PACRGL: variants seen among roughly 807,000 people sequenced by gnomAD.
PACRGL encodes parkin coregulated like, also known as PACRG-like protein.
In PACRGL, 38 loss-of-function variants were observed where a neutral mutation model predicts 34.5. The ratio of observed to expected loss-of-function variants is 1.10; its 90% CI spans 0.85 to 1.44. The LOEUF (loss-of-function observed/expected upper bound fraction) is 1.44, where lower values mean the gene tolerates loss of function less well. Ranked by LOEUF, PACRGL falls within the 40% of genes most tolerant of loss-of-function variation. The pLI is 0.00. For missense variants in PACRGL, 305 were observed against 281.4 expected (o/e 1.08, Z -0.60); for synonymous variants, 128 against 100.1 (o/e 1.28, Z -1.66).
chr4:20,713,708 G>T (rs1037839748), intron 7 of PACRGL, among the ~76,000 whole-genome samples, 169 bp downstream of exon 7: 2 of 152,120 alleles, frequency 1.3e-5, no homozygotes, highest in East Asian at 3.9e-4. Context: ...CTTTGTTCTC[G>T]TTGGTTTCAA....
At chr4:20,712,130 CATTT>C (rs1560315490) in intron 5 of PACRGL, among the ~76,000 whole-genome samples, 3 of 151,872 alleles carry the variant, frequency 2.0e-5, no homozygotes, top group African/African-American at 7.2e-5. Context: ...TCTATAGTTT[CATTT>C]ACCTTTCCTT....
chr4:20,716,492 T>TC (rs1242963929), intron 7 of PACRGL, among the ~76,000 whole-genome samples: 4 of 150,064 alleles, frequency 2.7e-5, no homozygotes, highest in African/African-American at 7.3e-5. Context: ...ATGGTATCCC[T>TC]CCCCCGACAG....
At chr4:20,714,988 G>A (rs921529270) in intron 7 of PACRGL, among the ~76,000 whole-genome samples, 3 of 152,088 alleles carry the variant, frequency 2.0e-5, no homozygotes, top group Admixed American at 1.3e-4. Flanking sequence ...TGTTTATCGT[G>A]GCACTACTCA....
At chr4:20,755,365 C>T (rs1213107722), downstream of PACRGL, among the ~76,000 whole-genome samples, 1 of 152,204 alleles carries the variant, frequency 6.6e-6, no homozygotes, top group East Asian at 1.9e-4. Flanking sequence ...ACAACTAATA[C>T]TTAAGTGCTG....
At chr4:20,743,882 G>A (rs1262684964) in intron 8 of PACRGL, among the ~76,000 whole-genome samples, 1 of 151,528 alleles carries the variant, frequency 6.6e-6, no homozygotes, top group East Asian at 1.9e-4. Context: ...CTGACAAAGG[G>A]CTAATATCCA....
intron 6 of PACRGL, 112 bp downstream of exon 6, chr4:20,713,034 T>C: frequency 9.0e-7 from 1 of 1,105,324 alleles, no homozygotes; most frequent in Non-Finnish European, 1.2e-6. Flanking sequence ...TGCAAAGTAG[T>C]CCTTTATCTG....
intron 3 of PACRGL, among the ~76,000 whole-genome samples, chr4:20,706,198 G>A (rs7679050): frequency 0.12 from 18,025 of 151,864 alleles, 1,236 homozygotes; most frequent in South Asian, 0.19. Context: ...GTGGAACATG[G>A]AAGATGAAAC....
chr4:20,753,711 A>G (rs970055541), downstream of PACRGL, among the ~76,000 whole-genome samples: 4 of 152,222 alleles, frequency 2.6e-5, no homozygotes, highest in South Asian at 2.1e-4. Context: ...GCTTCTGTCA[A>G]TAAGCCCTCT....
intron 7 of PACRGL, among the ~76,000 whole-genome samples, chr4:20,715,610 G>A (rs1739541207): frequency 6.6e-6 from 1 of 152,064 alleles, no homozygotes. Context: ...GCTCACACCT[G>A]TAATCCTAAC....
downstream of PACRGL, among the ~76,000 whole-genome samples, chr4:20,754,741 A>T (rs1233868212): frequency 3.3e-5 from 5 of 152,194 alleles, no homozygotes; most frequent in African/African-American, 1.2e-4. Flanking sequence ...AATCCTTTGC[A>T]AAATAGATGT....
downstream of PACRGL, among the ~76,000 whole-genome samples, chr4:20,735,187 G>A (rs1192491779): frequency 6.6e-6 from 1 of 152,186 alleles, no homozygotes; most frequent in Non-Finnish European, 1.5e-5. Context: ...TAGAAATCCA[G>A]TTATAATTTA....
downstream of PACRGL, among the ~76,000 whole-genome samples, chr4:20,735,518 GT>G (rs754949562): frequency 0.21 from 26,772 of 130,536 alleles, 2,769 homozygotes; most frequent in East Asian, 0.43. Flanking sequence ...TTCATTTAGT[GT>G]TTTTTTTTTT....
At position 20,729,655 on chromosome 4, in the gene PACRGL, T is replaced by TTTCTGGAAATTAATGAAAA. The variant is rs1747403834; in HGVS notation, c.*2316_*2317insCTGGAAATTAATGAAAATT. 1 of 139,482 alleles carries TTTCTGGAAATTAATGAAAA rather than the reference T, an allele frequency of 7.2e-6. No individual in the cohort carries two copies. The highest frequency in any genetic ancestry group is 2.6e-5 in the African/African-American group (1 of 38,450). The allele number at this position is 139,482 out of a possible 1,614,324, so 8.6% of individuals were successfully genotyped here. ...TACAGCATTCAAACATGAAAATTAATTTAATTTCTGGAAATTAAATGCAGA... is the reference window on the plus strand; with the variant it reads ...TACAGCATTCAAACATGAAAATTAATTTCTGGAAATTAATGAAAATTAATTTCTGGAAATTAAATGCAGA... On this transcript the variant is annotated 3_prime_UTR_variant, in exon 9 of 9. Coordinates refer to ENST00000503585, the MANE Select transcript of PACRGL (RefSeq NM_001258345.3).
chr4:20,709,169 C>T (rs16869884), intron 4 of PACRGL, among the ~76,000 whole-genome samples: 9,257 of 151,948 alleles, frequency 0.061, 337 homozygotes, highest in Admixed American at 0.098. Flanking sequence ...AAGCAGAAAT[C>T]CTAATTCAGG....
At chr4:20,722,938 G>A (rs981649370) in intron 7 of PACRGL, among the ~76,000 whole-genome samples, 3 of 151,998 alleles carry the variant, frequency 2.0e-5, no homozygotes, top group Admixed American at 1.3e-4. Context: ...GTTTTTTCTT[G>A]GATACATCCA....
the PACRGL span, among the ~76,000 whole-genome samples, chr4:20,759,343 C>T: frequency 6.6e-6 from 1 of 152,138 alleles, no homozygotes; most frequent in Non-Finnish European, 1.5e-5. Context: ...GCTCAAGAAG[C>T]TTCAACCAGT....
chr4:20,700,386 T>G (rs1248753414), upstream of PACRGL: 2 of 152,200 alleles, frequency 1.3e-5, no homozygotes, highest in African/African-American at 4.8e-5. Context: ...ACCATTGGTT[T>G]AGACGACGCA....
At chr4:20,702,990 C>T (rs1732873270) in intron 1 of PACRGL, among the ~76,000 whole-genome samples, 1 of 152,186 alleles carries the variant, frequency 6.6e-6, no homozygotes, top group South Asian at 2.1e-4. Context: ...TGGTATCAGA[C>T]TTTAAGCTGG....
chr4:20,756,862 CAT>C (rs141821804), downstream of PACRGL, among the ~76,000 whole-genome samples: 355 of 152,142 alleles, frequency 2.3e-3, 8 homozygotes, highest in South Asian at 0.046. Context: ...TGGTTCTTGA[CAT>C]GTGTTCTGGA....
Sources: gnomAD v4.1 joint callset for allele counts (sites outside exome capture counted in the v4.1 genomes callset) on GRCh38, gnomAD v4.1.1 for gene constraint, MANE v1.5 for transcripts, NCBI Gene and HGNC (gene_info 2026-07-23, HGNC 2026-07-21) for gene names.